CAMTA2: variants seen among roughly 807,000 people sequenced by gnomAD.
The protein encoded by CAMTA2 is calmodulin binding transcription activator 2.
A neutral mutation model predicts 135.7 loss-of-function variants in CAMTA2; 56 were observed. The ratio of observed to expected loss-of-function variants is 0.41; its 90% CI spans 0.33 to 0.52. The LOEUF is 0.52. CAMTA2 is among the 20% of genes least tolerant of loss of function. The pLI is 0.16. For missense variants in CAMTA2, 1,358 were observed against 1,553.4 expected (o/e 0.87, Z 2.11); for synonymous variants, 591 against 604.6 (o/e 0.98, Z 0.33).
rs1176493890 is a variant in CAMTA2 at position 4,986,847 on chromosome 17, C to G, written c.-64-561G>C. 3.3e-6 allele frequency: 3 copies of G among 896,658 alleles called. No individual in the cohort carries two copies. The East Asian group carries it at 8.2e-5, about 25-fold the overall frequency. 55.5% of individuals were successfully genotyped at this position (896,658 alleles called of 1,614,324 possible). On this transcript the variant is annotated intron_variant, in intron 1 of 22. Transcript: ENST00000348066. Reference sequence around the variant, plus strand: ...ACCTGATAGAATCTGGGCCAGACACCCAGATTCCCACCCTCAGGACAACCC... The same window carrying G: ...ACCTGATAGAATCTGGGCCAGACACGCAGATTCCCACCCTCAGGACAACCC...
chr17:4,976,478 T>C (rs1371199476), intron 11 of CAMTA2, among the ~76,000 whole-genome samples: 1 of 152,042 alleles, frequency 6.6e-6, no homozygotes, highest in African/African-American at 2.4e-5. Flanking sequence ...GCGGGGTGGA[T>C]TGCTTGAGGT....
Position 4,968,899 on chromosome 17 carries a change from A to G in CAMTA2, c.3545+8T>C. 24 of 1,614,018 alleles carry G rather than the reference A, an allele frequency of 1.5e-5. No homozygotes were observed. Among genetic ancestry groups the G allele is most frequent in the Non-Finnish European group, 1.9e-5 (23 of 1,179,896 alleles). On this transcript the variant is annotated splice_region_variant and intron_variant, in intron 22 of 22. Coordinates refer to ENST00000348066, the MANE Select transcript of CAMTA2 (RefSeq NM_015099.4). ...ACGCAAAAGCCCAGGGGGAGAAGGG[A>G]TGAGTACCTGTGTCGGCAGCGCCGC...
At position 4,985,969 on chromosome 17, in the gene CAMTA2, G is replaced by C; in HGVS notation, c.46C>G (p.Leu16Val). The C allele has an allele frequency of 6.2e-7, 1 of 1,613,372 alleles. No individual in the cohort carries two copies. The highest frequency in any genetic ancestry group is 8.5e-7 in the Non-Finnish European group (1 of 1,179,304). ...AGCTTCTTGGGGAGAAAGATCTTCA[G>C]GTGGTGGCTGTTTTCTAAAGGGAAT... ...TTEVAENSHH[L>V]KIFLPKKLLE... Residue 16 changes from leucine to valine, a missense_variant, in exon 3 of 23, where the codon CTG becomes GTG. Transcript: ENST00000348066.
chr17:4,986,018 AC>A (rs1567701059), intron 2 of CAMTA2, 35 bp from the exon 3 acceptor site: 4 of 1,463,548 alleles, frequency 2.7e-6, no homozygotes, highest in Admixed American at 3.3e-5. Flanking sequence ...TTAGTGTGCT[AC>A]CCTGGGGCAT....
chr17:4,973,880 A>C, intron 12 of CAMTA2, 111 bp from the exon 13 acceptor site: 2 of 835,914 alleles, frequency 2.4e-6, no homozygotes, highest in Non-Finnish European at 3.7e-6. Flanking sequence ...CCCCCTCCCC[A>C]CATGTCCCAC....
chr17:4,969,836 GC>G lies in CAMTA2; in HGVS notation c.3189+65del. 1 of 1,596,230 alleles carries G rather than the reference GC, an allele frequency of 6.3e-7. No individual in the cohort carries two copies. The highest frequency in any genetic ancestry group is 8.6e-7 in the Non-Finnish European group (1 of 1,166,314). The stretch of plus-strand genomic sequence containing the variant: ...CTGCACGACTACTCATCCTCCAAAA[GC>G]CCTGGGAGCCCAGTCTCCCCTGACT... On this transcript the variant is annotated intron_variant, in intron 18 of 22. Coordinates refer to ENST00000348066, the MANE Select transcript of CAMTA2 (RefSeq NM_015099.4). This position sits in a 1 kb window ranked among gnomAD's most constrained non-coding sequence, Gnocchi z 5.6.
rs1282633706 is a variant in CAMTA2, at chr17:4,969,174, G to C, written c.3446C>G (p.Ser1149Trp). 6.2e-7 allele frequency: 1 copy of C among 1,608,992 alleles called. No individual in the cohort carries two copies. The highest frequency in any genetic ancestry group is 1.3e-5 in the African/African-American group (1 of 74,850). ...CTTGTTGCGGGCAGGCAGGGTGGCC[G>C]AAGTCCGGTGGGGAGGGCCGGGCCT... ...RRRPGPPHRTSATLPARNKGS... is the reference protein window; with the variant it reads ...RRRPGPPHRTWATLPARNKGS... The change falls in exon 21 of 23, where the codon TCG (serine) becomes TGG (tryptophan). Residue 1149 changes from serine to tryptophan, a missense_variant. This residue lies in a region of CAMTA2 where 167 missense variants were observed against 207.0 expected (regional missense o/e 0.81). Transcript: ENST00000348066. This position sits in a 1 kb window ranked among gnomAD's most constrained non-coding sequence, Gnocchi z 5.6.
intron 7 of CAMTA2, 68 bp from the exon 8 acceptor site, chr17:4,981,427 C>T: frequency 1.3e-6 from 2 of 1,577,592 alleles, no homozygotes; most frequent in East Asian, 2.2e-5. Context: ...TTGATGGCTC[C>T]TCCAAGCACC....
intron 14 of CAMTA2, 72 bp downstream of exon 14, chr17:4,973,103 A>G (rs1972405689): frequency 2.0e-6 from 3 of 1,516,146 alleles, no homozygotes; most frequent in Admixed American, 1.7e-5. Flanking sequence ...TGCATTCCTC[A>G]GGATCTTCCT....
intron 7 of CAMTA2, 126 bp downstream of exon 7, chr17:4,981,552 T>C (rs1477120869): frequency 3.1e-6 from 4 of 1,307,682 alleles, no homozygotes; most frequent in Non-Finnish European, 4.2e-6. Context: ...ACACCGGGAA[T>C]CCTAGCACCC....
Position 4,981,218 on chromosome 17 carries a change from A to T in CAMTA2, c.700+7T>A. On this transcript the variant is annotated splice_region_variant and intron_variant, in intron 8 of 22. Coordinates refer to ENST00000348066, the MANE Select transcript of CAMTA2 (RefSeq NM_015099.4). ...GAAGACAGCCAAAAGGTCAGGGAGT[A>T]ACTTACCAAGCCCCCCACTGCAGAG... 1 of 1,612,962 alleles carries T rather than the reference A, an allele frequency of 6.2e-7. No individual in the cohort carries two copies. The highest frequency in any genetic ancestry group is 8.5e-7 in the Non-Finnish European group (1 of 1,179,778).
At chr17:4,982,942 C>G (rs1188969801) in intron 4 of CAMTA2, 34 bp downstream of exon 4, 1 of 1,613,988 alleles carries the variant, frequency 6.2e-7, no homozygotes, top group Admixed American at 1.7e-5. Flanking sequence ...ACCCAGGACC[C>G]CTGCCACTCC....
In CAMTA2 at chr17:4,972,928, C is replaced by T. The variant is rs1176176881; in HGVS notation, c.2344G>A (p.Ala782Thr). The change falls in exon 15 of 23, where the codon GCA becomes ACA. Residue 782 changes from alanine to threonine, a missense_variant. Transcript: ENST00000348066. ...CCCAGAGAGTCGGGAATGCTCAGTGCCTGTCGGTTCCAACGGAAAAGGAGC... is the reference window on the plus strand; with the variant it reads ...CCCAGAGAGTCGGGAATGCTCAGTGTCTGTCGGTTCCAACGGAAAAGGAGC... ...AVLLFRWNRQALSIPDSLGRL... is the reference protein window; with the variant it reads ...AVLLFRWNRQTLSIPDSLGRL... 5 of 1,613,714 alleles carry T rather than the reference C, an allele frequency of 3.1e-6. No individual in the cohort carries two copies. Among genetic ancestry groups the T allele is most frequent in the Non-Finnish European group, 4.2e-6 (5 of 1,180,030 alleles).
chr17:4,986,554 C>A, intron 1 of CAMTA2: 1 of 516,574 alleles, frequency 1.9e-6, no homozygotes. Flanking sequence ...AGGGCTTGGG[C>A]CTCAGAGGCC....
At chr17:4,985,813 C>G (rs1470491384) in intron 3 of CAMTA2, 67 bp downstream of exon 3, 1 of 956,102 alleles carries the variant, frequency 1.0e-6, no homozygotes, top group Non-Finnish European at 1.7e-6. Flanking sequence ...ACGGAAAGAC[C>G]CCCCACTCAC....
At chr17:4,976,707 G>T (rs908466409) in intron 11 of CAMTA2, among the ~76,000 whole-genome samples, 1 of 152,102 alleles carries the variant, frequency 6.6e-6, no homozygotes, top group African/African-American at 2.4e-5. Context: ...TCTCAAAAAA[G>T]AAGAGAAAAA....
At chr17:4,986,664 G>A in intron 1 of CAMTA2, 2 of 533,410 alleles carry the variant, frequency 3.7e-6, no homozygotes, top group Non-Finnish European at 6.6e-6. Flanking sequence ...TTTGGCAAGA[G>A]AGCCTGGATC....
intron 12 of CAMTA2, 107 bp from the exon 13 acceptor site, chr17:4,973,876 C>G: frequency 1.1e-6 from 1 of 872,904 alleles, no homozygotes; most frequent in African/African-American, 1.7e-5. Flanking sequence ...TTTGCCCCCT[C>G]CCCACATGTC....
At chr17:4,970,973 C>G (rs893662462) in intron 16 of CAMTA2, among the ~76,000 whole-genome samples, 1 of 152,220 alleles carries the variant, frequency 6.6e-6, no homozygotes, top group Admixed American at 6.5e-5. Context: ...GGCCTTTGCT[C>G]CAGCCCTGAA....
Sources: gnomAD v4.1 joint callset for allele counts (sites outside exome capture counted in the v4.1 genomes callset) on GRCh38, gnomAD v4.1.1 for gene constraint, gnomAD v4.1.1 regional missense constraint, Gnocchi (gnomAD v3.1) non-coding constraint, MANE v1.5 for transcripts, NCBI Gene and HGNC (gene_info 2026-07-23, HGNC 2026-07-21) for gene names.